RRAGD: variants seen among roughly 807,000 people sequenced by gnomAD.
The protein encoded by RRAGD is ras-related GTP-binding protein D.
In RRAGD, 12 loss-of-function variants were observed where a neutral mutation model predicts 35.5. The observed-to-expected ratio is 0.34, with a 90% CI of 0.22 to 0.55. The LOEUF (loss-of-function observed/expected upper bound fraction) is 0.55, where lower values mean the gene tolerates loss of function less well. Ranked by LOEUF, RRAGD falls within the 20% of genes least tolerant of loss-of-function variation. The pLI is 0.91. For missense variants in RRAGD, 324 were observed against 490.1 expected, an observed-to-expected ratio of 0.66 and a Z score of 3.20; for synonymous variants, 155 against 178.9, an observed-to-expected ratio of 0.87 and a Z score of 1.07.
chr6:89,369,187 G>A (rs1282376129), intron 6 of RRAGD, among the ~76,000 whole-genome samples: 1 of 152,172 alleles, frequency 6.6e-6, no homozygotes, highest in Non-Finnish European at 1.5e-5. Flanking sequence ...AGTGCCCTCT[G>A]CTGCTTCTGC....
chr6:89,401,218 G>A (rs1456669474), intron 1 of RRAGD, among the ~76,000 whole-genome samples: 1 of 151,974 alleles, frequency 6.6e-6, no homozygotes, highest in Non-Finnish European at 1.5e-5. Flanking sequence ...GCAGTTTGAA[G>A]GCAAGATGAG....
At position 89,387,757 on chromosome 6, in the gene RRAGD, A is replaced by T. The variant is rs1029902236; in HGVS notation, c.149-167T>A. Among the ~76,000 whole-genome samples the T allele has an allele frequency of 2.0e-5, 3 of 152,230 alleles. No homozygotes were observed. In the South Asian group the frequency reaches 6.2e-4, roughly 32 times the overall value. On this transcript the variant is annotated intron_variant, in intron 1 of 6. Transcript: ENST00000369415. ...TTAAACCCCAAGTCTTGCTGACTTC[A>T]CAACCTTAACACTTAACCGCTGGTC...
chr6:89,380,348 A>T lies in RRAGD; in HGVS notation c.464T>A (p.Leu155Gln). 2 of 1,614,212 alleles carry T rather than the reference A, an allele frequency of 1.2e-6. No homozygotes were observed. Among genetic ancestry groups the T allele is most frequent in the Non-Finnish European group, 1.7e-6 (2 of 1,180,044 alleles). Residue 155 changes from leucine to glutamine, a missense_variant, in exon 3 of 7, where the codon CTG (leucine) becomes CAG (glutamine). By Grantham distance (113) the Leu-to-Gln change is moderately radical. This residue lies in a region of RRAGD where 152 missense variants were observed against 296.9 expected (regional missense o/e 0.51). Coordinates refer to ENST00000369415, the MANE Select transcript of RRAGD (RefSeq NM_021244.5). ...GGTCACCGTGAGGTGGAGCCTGGCC[A>T]GGGCTTCCATGTAATCATCCTAGGA... ...IDSQDDYMEA[L>Q]ARLHLTVTRA...
At chr6:89,386,208 G>C (rs1462455086) in intron 2 of RRAGD, among the ~76,000 whole-genome samples, 1 of 152,166 alleles carries the variant, frequency 6.6e-6, no homozygotes, top group Non-Finnish European at 1.5e-5. Flanking sequence ...CATATGTCAT[G>C]GGCATTTTCT....
At chr6:89,373,104 T>G (rs911169921) in intron 5 of RRAGD, among the ~76,000 whole-genome samples, 1 of 152,238 alleles carries the variant, frequency 6.6e-6, no homozygotes, top group African/African-American at 2.4e-5. Context: ...GTAGCCATGC[T>G]AAATTTGCTG....
chr6:89,399,767 A>ATTT (rs71556518), intron 1 of RRAGD, among the ~76,000 whole-genome samples: 11,554 of 130,722 alleles, frequency 0.088, 759 homozygotes, highest in Middle Eastern at 0.11. Flanking sequence ...ATGCCCAGCT[A>ATTT]TTTTTTTTTT....
At chr6:89,395,272 A>G (rs1055176246) in intron 1 of RRAGD, among the ~76,000 whole-genome samples, 2 of 152,094 alleles carry the variant, frequency 1.3e-5, no homozygotes, top group Non-Finnish European at 2.9e-5. Flanking sequence ...AAAGAAAGAA[A>G]CAACAATTTG....
intron 1 of RRAGD, among the ~76,000 whole-genome samples, chr6:89,389,504 C>T (rs535587434): frequency 1.4e-5 from 2 of 141,282 alleles, no homozygotes; most frequent in Non-Finnish European, 3.0e-5. Flanking sequence ...TGCAGTGGGC[C>T]GAGATCATGC....
At chr6:89,379,568 C>A (rs965542929) in intron 3 of RRAGD, among the ~76,000 whole-genome samples, 3 of 152,238 alleles carry the variant, frequency 2.0e-5, no homozygotes, top group African/African-American at 7.2e-5. Flanking sequence ...TTCTCATCTG[C>A]CAACTGGCAA....
At chr6:89,406,527 TG>T (rs1040568809) in intron 1 of RRAGD, among the ~76,000 whole-genome samples, 1 of 151,996 alleles carries the variant, frequency 6.6e-6, no homozygotes, top group Admixed American at 6.6e-5. Context: ...GAGAGGACGT[TG>T]GGAGCACACC....
rs776341354 is a variant in RRAGD at position 89,379,358 on chromosome 6, T to C, written c.645-20A>G. On this transcript the variant is annotated intron_variant, in intron 3 of 6. Coordinates refer to ENST00000369415, the MANE Select transcript of RRAGD (RefSeq NM_021244.5). Reference sequence around the variant, plus strand: ...TAAAAGCTGAAAGAGGAAACGGTATTTCATCATGTTTTCCCTTTGAATGAG... The same window carrying C: ...TAAAAGCTGAAAGAGGAAACGGTATCTCATCATGTTTTCCCTTTGAATGAG... 5 of 1,293,670 alleles carry C rather than the reference T, an allele frequency of 3.9e-6. No individual in the cohort carries two copies. Among genetic ancestry groups the C allele is most frequent in the Non-Finnish European group, 5.5e-6 (5 of 903,436 alleles). The allele number at this position is 1,293,670 out of a possible 1,614,324, so 80.1% of individuals were successfully genotyped here.
chr6:89,394,431 A>C (rs1324455927), intron 1 of RRAGD, among the ~76,000 whole-genome samples: 1 of 152,232 alleles, frequency 6.6e-6, no homozygotes, highest in Non-Finnish European at 1.5e-5. Flanking sequence ...GATCTTAAAA[A>C]GACAAAAGGA....
At chr6:89,401,096 C>T (rs976036238) in intron 1 of RRAGD, among the ~76,000 whole-genome samples, 1 of 152,058 alleles carries the variant, frequency 6.6e-6, no homozygotes, top group South Asian at 2.1e-4. Context: ...GAGAGGCTCC[C>T]TGGAGGAGTA....
intron 5 of RRAGD, among the ~76,000 whole-genome samples, chr6:89,373,395 C>T (rs915421057): frequency 2.0e-5 from 3 of 152,040 alleles, no homozygotes; most frequent in Non-Finnish European, 4.4e-5. Flanking sequence ...AGGTAGATCA[C>T]GAGGTCATGA....
At chr6:89,400,234 G>A (rs1201505295) in intron 1 of RRAGD, among the ~76,000 whole-genome samples, 1 of 152,100 alleles carries the variant, frequency 6.6e-6, no homozygotes, top group East Asian at 1.9e-4. Context: ...AACAGCAACA[G>A]CATTAAATAA....
intron 2 of RRAGD, among the ~76,000 whole-genome samples, chr6:89,382,745 G>A (rs1392572902): frequency 1.5e-4 from 23 of 151,588 alleles, no homozygotes; most frequent in Admixed American, 3.9e-4. Context: ...GCAGGGTGGC[G>A]CATGCCTGTA....
intron 1 of RRAGD, among the ~76,000 whole-genome samples, chr6:89,396,594 T>A (rs890956066): frequency 3.9e-5 from 6 of 151,946 alleles, no homozygotes; most frequent in Non-Finnish European, 7.4e-5. Flanking sequence ...GCTGAGCTAA[T>A]TTTTTGTAGA....
rs1768746775 is a variant in RRAGD, at chr6:89,366,431, CTG to C, written c.*1623_*1624del. 1.3e-5 allele frequency: 2 copies of C among 151,048 alleles called. No individual in the cohort carries two copies. The highest frequency in any genetic ancestry group is 4.9e-5 in the African/African-American group (2 of 41,022). The allele number at this position is 151,048 out of a possible 1,614,324, so 9.4% of individuals were successfully genotyped here. A position where few individuals can be genotyped will look rare whatever the true frequency, so the allele number is the denominator to read the frequency against. On this transcript the variant is annotated 3_prime_UTR_variant, in exon 7 of 7. Coordinates refer to ENST00000369415, the MANE Select transcript of RRAGD (RefSeq NM_021244.5). Reference sequence around the variant, plus strand: ...CCTGTAGTTCTAGCTACTAGGGAGGCTGAGGTGGAAGGATCCCTTGAGCCCAA... The same window carrying C: ...CCTGTAGTTCTAGCTACTAGGGAGGCAGGTGGAAGGATCCCTTGAGCCCAA...
intron 1 of RRAGD, among the ~76,000 whole-genome samples, chr6:89,397,074 T>C (rs1484423730): frequency 2.6e-5 from 4 of 152,052 alleles, no homozygotes; most frequent in African/African-American, 7.2e-5. Flanking sequence ...AGCAAAAGAT[T>C]TGAAGAGACA....
Sources: gnomAD v4.1 joint callset for allele counts (sites outside exome capture counted in the v4.1 genomes callset) on GRCh38, gnomAD v4.1.1 for gene constraint, gnomAD v4.1.1 regional missense constraint, MANE v1.5 for transcripts, NCBI Gene and HGNC (gene_info 2026-07-23, HGNC 2026-07-21) for gene names.